Variants in ROBO1 observed in about 807,000 individuals in gnomAD.
ROBO1 encodes roundabout homolog 1.
ROBO1 carries 149 observed loss-of-function variants against 195.9 expected under a neutral mutation model. That is an observed-to-expected ratio of 0.76 (90% CI 0.67 to 0.87). The LOEUF (loss-of-function observed/expected upper bound fraction) is 0.87, where lower values mean the gene tolerates loss of function less well. Ranked by LOEUF, ROBO1 falls within the 40% of genes least tolerant of loss-of-function variation. ROBO1 has a pLI of 0.00. For synonymous variants in ROBO1, 816 were observed against 733.2 expected (o/e 1.11, Z -1.82); for missense variants, 1,933 against 2,068.3 (o/e 0.93, Z 1.27).
intron 28 of ROBO1, among the ~76,000 whole-genome samples, chr3:78,611,495 CA>C (rs1169581354): frequency 6.6e-6 from 1 of 152,106 alleles, no homozygotes; most frequent in Non-Finnish European, 1.5e-5. Context: ...TTGTAAGAGG[CA>C]AATATGGAAT....
At chr3:79,647,521 C>T (rs953534802) in intron 1 of ROBO1, among the ~76,000 whole-genome samples, 7 of 151,906 alleles carry the variant, frequency 4.6e-5, no homozygotes, top group African/African-American at 1.5e-4. Flanking sequence ...CAATTTTCCC[C>T]ACACAGTGAC....
At position 78,946,260 on chromosome 3, in the gene ROBO1, G is replaced by T. The variant is rs1332238562; in HGVS notation, c.173-7333C>A. ...TTGAAATGAAGGAAAAAATGTTAAG[G>T]GCAGCCAGGGAGAAAGGTCGGGTTA... On this transcript the variant is annotated intron_variant, in intron 3 of 30. Transcript: ENST00000464233. 2.0e-5 allele frequency among the ~76,000 whole-genome samples: 3 copies of T among 152,108 alleles called. No homozygotes were observed. In the East Asian group the frequency reaches 5.8e-4, roughly 29 times the overall value.
At chr3:79,290,353 C>A (rs2032170639) in intron 2 of ROBO1, among the ~76,000 whole-genome samples, 2 of 151,944 alleles carry the variant, frequency 1.3e-5, no homozygotes, top group African/African-American at 4.8e-5. Context: ...CATATCTAAC[C>A]ATTTGCCTCG....
At chr3:78,761,486 C>T (rs896504861) in intron 4 of ROBO1, among the ~76,000 whole-genome samples, 1 of 152,024 alleles carries the variant, frequency 6.6e-6, no homozygotes, top group African/African-American at 2.4e-5. Context: ...GAAAGTTGAA[C>T]CAAGTACTTC....
chr3:79,194,587 C>T (rs752054349), intron 2 of ROBO1, among the ~76,000 whole-genome samples: 25 of 151,598 alleles, frequency 1.6e-4, no homozygotes, highest in Admixed American at 4.0e-4. Context: ...TACTTGTATG[C>T]TTGACGTTGG....
intron 2 of ROBO1, among the ~76,000 whole-genome samples, chr3:79,308,192 A>T (rs991579829): frequency 9.2e-5 from 14 of 152,184 alleles, no homozygotes; most frequent in Admixed American, 4.6e-4. Context: ...GTACTCATTA[A>T]CTGGTAAAGT....
rs1938266419 is a variant in ROBO1 at position 79,471,484 on chromosome 3, C to A, written c.88+118340G>T. Among the ~76,000 whole-genome samples the A allele has an allele frequency of 2.0e-5, 3 of 151,912 alleles. No homozygotes were observed. In the South Asian group the frequency reaches 6.2e-4, roughly 32 times the overall value. On this transcript the variant is annotated intron_variant, in intron 2 of 30. Transcript: ENST00000464233. Reference sequence around the variant, plus strand: ...TGATTTAATAAACTAAAAAAGATATCTTTTTTCTCACTATACTATGTTAAA... The same window carrying A: ...TGATTTAATAAACTAAAAAAGATATATTTTTTCTCACTATACTATGTTAAA...
chr3:78,956,838 A>C (rs2107805232), intron 3 of ROBO1, among the ~76,000 whole-genome samples: 1 of 152,330 alleles, frequency 6.6e-6, no homozygotes, highest in Non-Finnish European at 1.5e-5. Context: ...TCATGGCTGG[A>C]AGCTCTCCTT....
At chr3:79,673,128 A>G (rs908778815) in intron 1 of ROBO1, among the ~76,000 whole-genome samples, 16 of 152,144 alleles carry the variant, frequency 1.1e-4, no homozygotes, top group Admixed American at 9.2e-4. Flanking sequence ...AAAGAAATAA[A>G]GGATAGAATT....
At chr3:79,165,987 C>G (rs2108678923) in intron 2 of ROBO1, among the ~76,000 whole-genome samples, 1 of 152,328 alleles carries the variant, frequency 6.6e-6, no homozygotes, top group South Asian at 2.1e-4. Flanking sequence ...TGGAGAGCAA[C>G]TTCAGCCCAT....
At chr3:79,530,108 T>C (rs1381285516) in intron 2 of ROBO1, among the ~76,000 whole-genome samples, 1 of 152,128 alleles carries the variant, frequency 6.6e-6, no homozygotes, top group African/African-American at 2.4e-5. Context: ...ATAGCAAAAA[T>C]AACATAATAA....
intron 4 of ROBO1, among the ~76,000 whole-genome samples, chr3:78,818,673 G>A (rs555522159): frequency 6.6e-6 from 1 of 152,318 alleles, no homozygotes; most frequent in South Asian, 2.1e-4. Context: ...AAGTGCTTCT[G>A]GGAATGTGGT....
intron 2 of ROBO1, among the ~76,000 whole-genome samples, chr3:79,356,467 T>C (rs766143647): frequency 3.2e-4 from 48 of 152,356 alleles, no homozygotes; most frequent in Non-Finnish European, 5.6e-4. Context: ...AATTCATTAA[T>C]AGAGTAAGTC....
rs111993046 is a variant in ROBO1 at position 79,008,594 on chromosome 3, C to T, written c.173-69667G>A. 6.0e-5 allele frequency among the ~76,000 whole-genome samples: 9 copies of T among 150,466 alleles called. 1 individual carries two copies. Among genetic ancestry groups the T allele is most frequent in the African/African-American group, 2.2e-4 (9 of 41,068 alleles). On this transcript the variant is annotated intron_variant, in intron 3 of 30. Coordinates refer to ENST00000464233, the MANE Select transcript of ROBO1 (RefSeq NM_002941.4). ...ATATACATATATATATTTATGTATA[C>T]GTGCATTTTTTTTTTGACAGACAGT...
At chr3:78,927,653 A>G (rs931144017) in intron 4 of ROBO1, among the ~76,000 whole-genome samples, 1 of 152,218 alleles carries the variant, frequency 6.6e-6, no homozygotes, top group Non-Finnish European at 1.5e-5. Flanking sequence ...AAAAGCCACA[A>G]TGAAATATCT....
chr3:79,278,271 A>T (rs185367425), intron 2 of ROBO1, among the ~76,000 whole-genome samples: 57 of 152,290 alleles, frequency 3.7e-4, no homozygotes, highest in Non-Finnish European at 6.9e-4. Context: ...TGTAATCTCT[A>T]TCAACATACT....
At chr3:78,795,088 C>T (rs2084143682) in intron 4 of ROBO1, among the ~76,000 whole-genome samples, 1 of 152,024 alleles carries the variant, frequency 6.6e-6, no homozygotes, top group Non-Finnish European at 1.5e-5. Context: ...CTGATATTTT[C>T]CTTGCAGAAA....
At chr3:78,768,460 A>T (rs1471176892) in intron 4 of ROBO1, among the ~76,000 whole-genome samples, 10 of 152,020 alleles carry the variant, frequency 6.6e-5, no homozygotes, top group Admixed American at 6.6e-4. Context: ...AATAGTAGAG[A>T]CAGAAAAAGA....
chr3:78,876,540 G>C (rs747017057), intron 4 of ROBO1, among the ~76,000 whole-genome samples: 1 of 152,148 alleles, frequency 6.6e-6, no homozygotes, highest in Non-Finnish European at 1.5e-5. Flanking sequence ...TGATACAACT[G>C]ATGATTGTTA....
Sources: allele counts gnomAD v4.1 joint callset (sites outside exome capture counted in the v4.1 genomes callset), GRCh38; gene constraint gnomAD v4.1.1; transcripts MANE v1.5; gene names NCBI Gene and HGNC (gene_info 2026-07-23, HGNC 2026-07-21).